Variants in OXR1 observed in about 807,000 individuals in gnomAD.
OXR1 encodes the protein oxidation resistance 1.
OXR1 carries 41 observed loss-of-function variants against 104.6 expected under a neutral mutation model. The ratio of observed to expected loss-of-function variants is 0.39; its 90% confidence interval spans 0.31 to 0.51. The LOEUF is 0.51. Ranked by LOEUF, OXR1 falls within the 20% of genes least tolerant of loss-of-function variation. OXR1 has a pLI of 0.77. For missense variants in OXR1, 955 were observed against 1,031.9 expected, an observed-to-expected ratio of 0.93 and a Z score of 1.02; for synonymous variants, 348 against 348.4, an observed-to-expected ratio of 1.00 and a Z score of 0.01.
At chr8:106,738,589 T>G (rs1834614300) in intron 12 of OXR1, among the ~76,000 whole-genome samples, 1 of 151,636 alleles carries the variant, frequency 6.6e-6, no homozygotes, top group Non-Finnish European at 1.5e-5. Context: ...AAAAGTTTCA[T>G]AATGTTTCAT....
intron 2 of OXR1, among the ~76,000 whole-genome samples, chr8:106,514,132 C>G (rs556009873): frequency 1.4e-4 from 22 of 152,148 alleles, no homozygotes; most frequent in African/African-American, 5.3e-4. Flanking sequence ...CTCGCAGTGC[C>G]TATTAAGAGC....
At chr8:106,510,780 GA>G (rs1238088067) in intron 2 of OXR1, among the ~76,000 whole-genome samples, 1 of 152,114 alleles carries the variant, frequency 6.6e-6, no homozygotes, top group East Asian at 1.9e-4. Context: ...TCTGTTCTCT[GA>G]ATTTCCAAGA....
intron 2 of OXR1, among the ~76,000 whole-genome samples, chr8:106,427,037 A>T (rs73699390): frequency 1.0e-3 from 152 of 152,206 alleles, no homozygotes; most frequent in African/African-American, 3.5e-3. Flanking sequence ...CGCGTTTTGT[A>T]TACTGATTCA....
chr8:106,576,511 T>C (rs1817852766), intron 3 of OXR1, among the ~76,000 whole-genome samples: 1 of 149,016 alleles, frequency 6.7e-6, no homozygotes, highest in Non-Finnish European at 1.5e-5. Context: ...AGCCACAGGC[T>C]TTATTGCAGA....
chr8:106,413,250 A>G (rs1818534633), intron 2 of OXR1, among the ~76,000 whole-genome samples: 2 of 152,074 alleles, frequency 1.3e-5, no homozygotes, highest in African/African-American at 4.8e-5. Context: ...GCTTTTGAAC[A>G]TAGTCATTTG....
chr8:106,742,339 T>G, intron 15 of OXR1, 22 bp downstream of exon 15: 1 of 1,442,094 alleles, frequency 6.9e-7, no homozygotes, highest in Non-Finnish European at 9.7e-7. Context: ...TATTTCAATA[T>G]TTTATTTATA....
At chr8:106,518,246 C>T (rs1333778965) in intron 2 of OXR1, among the ~76,000 whole-genome samples, 1 of 152,064 alleles carries the variant, frequency 6.6e-6, no homozygotes, top group African/African-American at 2.4e-5. Flanking sequence ...TACCAAGGGC[C>T]AATAGTAAAT....
At chr8:106,719,716 C>T (rs781504706) in intron 11 of OXR1, among the ~76,000 whole-genome samples, 5 of 152,146 alleles carry the variant, frequency 3.3e-5, no homozygotes, top group Non-Finnish European at 5.9e-5. Flanking sequence ...ACATGTTATT[C>T]TACCACTTGA....
chr8:106,391,398 A>C lies in OXR1; in HGVS notation c.23+31762A>C, dbSNP rs538941562. Among the ~76,000 whole-genome samples the C allele has an allele frequency of 4.6e-5, 7 of 151,880 alleles. No individual in the cohort carries two copies. In the East Asian group the frequency reaches 1.4e-3, roughly 29 times the overall value. ...ATGGTATTATGCATGTGGTAGTATA[A>C]AATAATAAATCATCTTTATTAAAAT... On this transcript the variant is annotated intron_variant, in intron 2 of 16. Coordinates refer to ENST00000517566, the MANE Select transcript of OXR1 (RefSeq NM_001198533.2).
chr8:106,348,804 G>A (rs1586553985), intron 1 of OXR1, among the ~76,000 whole-genome samples: 1 of 152,200 alleles, frequency 6.6e-6, no homozygotes, highest in East Asian at 1.9e-4. Context: ...AGCAGAGAGT[G>A]GAAACAAACA....
intron 3 of OXR1, among the ~76,000 whole-genome samples, chr8:106,655,368 C>T (rs1325573163): frequency 6.6e-6 from 1 of 151,018 alleles, no homozygotes; most frequent in Non-Finnish European, 1.5e-5. Flanking sequence ...TATAAGCAAG[C>T]TTTTTTTAAG....
chr8:106,581,278 ATTT>A, intron 3 of OXR1: 1 of 1,262,360 alleles, frequency 7.9e-7, no homozygotes, highest in Non-Finnish European at 1.0e-6. Flanking sequence ...ATGCCTTTCT[ATTT>A]TTTTTTAATT....
chr8:106,313,335 A>T (rs1813787322), intron 1 of OXR1, among the ~76,000 whole-genome samples: 1 of 152,126 alleles, frequency 6.6e-6, no homozygotes, highest in African/African-American at 2.4e-5. Flanking sequence ...TAAGGGAGTG[A>T]GAGAGTTGTA....
At chr8:106,606,680 A>G (rs1236103879) in intron 3 of OXR1, among the ~76,000 whole-genome samples, 1 of 151,954 alleles carries the variant, frequency 6.6e-6, no homozygotes, top group Non-Finnish European at 1.5e-5. Flanking sequence ...TTTGATTACA[A>G]TGGGCCCACC....
intron 3 of OXR1, among the ~76,000 whole-genome samples, chr8:106,646,912 C>T (rs1313935336): frequency 6.6e-6 from 1 of 152,182 alleles, no homozygotes; most frequent in African/African-American, 2.4e-5. Flanking sequence ...TTGGTAATAC[C>T]AATTGGCACT....
Position 106,692,891 on chromosome 8 carries a change from C to A in OXR1, c.675+14C>A. 6.4e-7 allele frequency: 1 copy of A among 1,565,322 alleles called. No homozygotes were observed. The highest frequency in any genetic ancestry group is 8.7e-7 in the Non-Finnish European group (1 of 1,147,882). ...ACCAGTGGCAAGGTAAAGAATGACACTTTAGAGAAGACCTTTAATCATGCT... is the reference window on the plus strand; with the variant it reads ...ACCAGTGGCAAGGTAAAGAATGACAATTTAGAGAAGACCTTTAATCATGCT... On this transcript the variant is annotated intron_variant, in intron 7 of 16. Transcript: ENST00000517566.
chr8:106,656,069 A>G (rs1825041819), intron 3 of OXR1: 1 of 152,204 alleles, frequency 6.6e-6, no homozygotes, highest in Non-Finnish European at 1.5e-5. Context: ...ATTATTAATG[A>G]GAATTAGACT....
At chr8:106,607,495 A>G (rs1820489548) in intron 3 of OXR1, among the ~76,000 whole-genome samples, 1 of 152,184 alleles carries the variant, frequency 6.6e-6, no homozygotes, top group African/African-American at 2.4e-5. Context: ...GATTGCTTAC[A>G]CTTACCTGGA....
intron 2 of OXR1, among the ~76,000 whole-genome samples, chr8:106,465,782 C>T (rs1237798397): frequency 6.6e-6 from 1 of 151,940 alleles, no homozygotes; most frequent in Non-Finnish European, 1.5e-5. Context: ...TCTCTTATAT[C>T]ACTAGATTTA....
Sources: allele counts gnomAD v4.1 joint callset (sites outside exome capture counted in the v4.1 genomes callset), GRCh38; gene constraint gnomAD v4.1.1; transcripts MANE v1.5; gene names NCBI Gene and HGNC (gene_info 2026-07-23, HGNC 2026-07-21).